MROH9: variants seen among roughly 807,000 people sequenced by gnomAD.
The protein encoded by MROH9 is maestro heat like repeat family member 9.
A neutral mutation model predicts 98.2 loss-of-function variants in MROH9; 92 were observed. The ratio of observed to expected loss-of-function variants is 0.94; its 90% CI spans 0.79 to 1.11. The LOEUF (loss-of-function observed/expected upper bound fraction) is 1.11, where lower values mean the gene tolerates loss of function less well. Among genes scored for constraint, MROH9 ranks in the 50% most tolerant of loss-of-function variants. MROH9 has a pLI of 0.00. For synonymous variants in MROH9, 397 were observed against 368.9 expected (o/e 1.08, Z -0.87); for missense variants, 1,057 against 1,014.8 (o/e 1.04, Z -0.57).
chr1:171,013,301 G>T (rs564466953), intron 15 of MROH9, among the ~76,000 whole-genome samples: 5 of 152,176 alleles, frequency 3.3e-5, no homozygotes, highest in Middle Eastern at 3.2e-3. Flanking sequence ...AGCAGCATGC[G>T]AGCATTACCA....
At chr1:171,050,120 C>T (rs1317151488) in intron 20 of MROH9, among the ~76,000 whole-genome samples, 1 of 149,606 alleles carries the variant, frequency 6.7e-6, no homozygotes, top group East Asian at 1.9e-4. Flanking sequence ...TTTCACTGTG[C>T]AGAAACTTTA....
intron 20 of MROH9, among the ~76,000 whole-genome samples, chr1:171,041,631 T>A (rs141664345): frequency 8.6e-4 from 131 of 151,964 alleles, no homozygotes; most frequent in African/African-American, 3.0e-3. Context: ...TTTTTAATTA[T>A]TTGAGAAATC....
intron 6 of MROH9, among the ~76,000 whole-genome samples, chr1:170,964,537 A>G (rs1031016014): frequency 2.6e-5 from 4 of 152,108 alleles, no homozygotes; most frequent in Non-Finnish European, 5.9e-5. Context: ...AGGCATATGC[A>G]GTATTCTTCC....
At chr1:170,959,634 A>G (rs755493433) in intron 5 of MROH9, 37 bp downstream of exon 5, 3 of 1,590,898 alleles carry the variant, frequency 1.9e-6, no homozygotes, top group Non-Finnish European at 2.6e-6. Context: ...ATAGGATGTT[A>G]TTACACATCA....
At chr1:171,063,772 T>A (rs1654082177) in intron 21 of MROH9, among the ~76,000 whole-genome samples, 1 of 152,250 alleles carries the variant, frequency 6.6e-6, no homozygotes, top group South Asian at 2.1e-4. Context: ...AACTTTTTCA[T>A]TATTATGACC....
At chr1:171,028,824 T>A (rs1158384454) in intron 20 of MROH9, among the ~76,000 whole-genome samples, 1 of 152,216 alleles carries the variant, frequency 6.6e-6, no homozygotes. Flanking sequence ...TGGCTCTCTG[T>A]GTGTCTATCA....
chr1:170,976,744 G>A (rs973763228), intron 8 of MROH9, among the ~76,000 whole-genome samples: 14 of 152,114 alleles, frequency 9.2e-5, no homozygotes, highest in Admixed American at 6.6e-4. Context: ...TTGTGCAGAG[G>A]TTGTCTGTAT....
Position 170,996,501 on chromosome 1 carries a change from C to T in MROH9, c.1338-6C>T. On this transcript the variant is annotated splice_region_variant and splice_polypyrimidine_tract_variant and intron_variant, in intron 13 of 21. Transcript: ENST00000367759. ...GTGATGACTTTGCTCTCTTTTGGGG[C>T]TTTAGGTATGCCCAGGATGCCCTGA... 6.2e-7 allele frequency: 1 copy of T among 1,612,266 alleles called. No individual in the cohort carries two copies. Among genetic ancestry groups the T allele is most frequent in the Non-Finnish European group, 8.5e-7 (1 of 1,179,094 alleles).
At chr1:171,048,593 C>G (rs369579497) in intron 20 of MROH9, among the ~76,000 whole-genome samples, 1 of 152,122 alleles carries the variant, frequency 6.6e-6, no homozygotes, top group South Asian at 2.1e-4. Flanking sequence ...ATCCAAAAGT[C>G]AAGTCCTGGA....
intron 15 of MROH9, chr1:170,998,543 C>G: frequency 7.1e-7 from 1 of 1,412,286 alleles, no homozygotes; most frequent in Non-Finnish European, 9.2e-7. Flanking sequence ...TTTTTAGGAC[C>G]AGTTTATATA....
intron 3 of MROH9, among the ~76,000 whole-genome samples, chr1:170,956,168 G>T (rs1209182198): frequency 1.3e-5 from 2 of 152,064 alleles, no homozygotes; most frequent in Non-Finnish European, 2.9e-5. Flanking sequence ...CTGTTCCATT[G>T]GTCTATGTGC....
chr1:171,003,047 C>T (rs112266729), intron 15 of MROH9, among the ~76,000 whole-genome samples: 50 of 152,178 alleles, frequency 3.3e-4, no homozygotes, highest in Non-Finnish European at 5.9e-4. Flanking sequence ...ATTGCTGAGA[C>T]TTTCCAGAGC....
In MROH9 at chr1:171,024,703, C is replaced by T. The variant is rs139879660; in HGVS notation, c.2116C>T (p.Arg706Cys). ...CTSQLKWSTS[R>C]LLKDENYSFE... ...CTCACAATTAAAGTGGTCAACATCA[C>T]GTTTGCTCAAAGATGAAAATTACAG... Residue 706 changes from arginine (R) to cysteine (C), a missense_variant, in exon 19 of 22, where the codon CGT becomes TGT. Physicochemically the swap from Arg to Cys is radical, Grantham distance 180. Coordinates refer to ENST00000367759, the MANE Select transcript of MROH9 (RefSeq NM_001163629.2). 1.1e-4 allele frequency: 171 copies of T among 1,551,180 alleles called. No homozygotes were observed. The highest frequency in any genetic ancestry group is 3.3e-4 in the Middle Eastern group (2 of 5,982).
Position 171,006,083 on chromosome 1 carries a change from C to T in MROH9, c.1596+7809C>T, listed in dbSNP as rs3899257. Among the ~76,000 whole-genome samples the T allele has an allele frequency of 5.6e-3, 853 of 152,296 alleles. 6 individuals are homozygous for T. Among genetic ancestry groups the T allele is most frequent in the African/African-American group, 0.019 (800 of 41,568 alleles). ...TGTCCTTTTATTTCAAGTTGAAGAA[C>T]TCCCTTTAGCATTTCTTGTAAGTTA... On this transcript the variant is annotated intron_variant, in intron 15 of 21. Coordinates refer to ENST00000367759, the MANE Select transcript of MROH9 (RefSeq NM_001163629.2).
rs188479188 is a variant in MROH9 at position 170,967,073 on chromosome 1, C to T, written c.480+1818C>T. ...CCATTACTGTAGTAGAGTTCATTCT[C>T]CTTTGCATACATCCCATCCTTCAAC... On this transcript the variant is annotated intron_variant, in intron 7 of 21. Coordinates refer to ENST00000367759, the MANE Select transcript of MROH9 (RefSeq NM_001163629.2). 1.3e-3 allele frequency among the ~76,000 whole-genome samples: 193 copies of T among 152,244 alleles called. 4 individuals carry two copies. The highest frequency in any genetic ancestry group is 3.4e-4 in the Non-Finnish European group (23 of 67,998).
intron 20 of MROH9, among the ~76,000 whole-genome samples, chr1:171,035,277 A>G (rs930497170): frequency 1.3e-5 from 2 of 151,774 alleles, no homozygotes; most frequent in African/African-American, 4.8e-5. Context: ...AAAACGTACA[A>G]AAAATAATAA....
intron 4 of MROH9, 40 bp downstream of exon 4, chr1:170,958,580 A>G: frequency 1.5e-6 from 2 of 1,308,714 alleles, no homozygotes; most frequent in Non-Finnish European, 2.1e-6. Context: ...CACTAATTGG[A>G]TGCATTTAAA....
intron 20 of MROH9, among the ~76,000 whole-genome samples, chr1:171,055,729 T>C (rs1477578497): frequency 1.3e-5 from 2 of 150,966 alleles, no homozygotes; most frequent in Non-Finnish European, 2.9e-5. Flanking sequence ...GATGTCCAAC[T>C]AGAAACGGTG....
intron 17 of MROH9, among the ~76,000 whole-genome samples, chr1:171,017,136 A>G (rs895903094): frequency 6.6e-6 from 1 of 152,252 alleles, no homozygotes; most frequent in Non-Finnish European, 1.5e-5. Context: ...GTAGTGGCTT[A>G]AAGGGGCGGG....
Sources: allele counts gnomAD v4.1 joint callset (sites outside exome capture counted in the v4.1 genomes callset), GRCh38; gene constraint gnomAD v4.1.1; transcripts MANE v1.5; gene names NCBI Gene and HGNC (gene_info 2026-07-23, HGNC 2026-07-21).